SLC7A14: variants seen among roughly 807,000 people sequenced by gnomAD.
SLC7A14 encodes the protein solute carrier family 7 member 14.
SLC7A14 carries 37 observed loss-of-function variants against 60.2 expected under a neutral mutation model. The ratio of observed to expected loss-of-function variants is 0.61; its 90% CI spans 0.47 to 0.81. The LOEUF is 0.81. SLC7A14 is among the 30% of genes least tolerant of loss of function. The probability of loss-of-function intolerance (pLI) is 0.00; values close to 1 mark genes in which losing one functional copy is unlikely to be tolerated. For missense variants in SLC7A14, 886 were observed against 982.7 expected (o/e 0.90, Z 1.32); for synonymous variants, 399 against 395.8 (o/e 1.01, Z -0.10).
At chr3:170,518,351 A>G (rs1713236766) in intron 2 of SLC7A14, among the ~76,000 whole-genome samples, 1 of 152,140 alleles carries the variant, frequency 6.6e-6, no homozygotes, top group African/African-American at 2.4e-5. Flanking sequence ...CATTGTTTCA[A>G]TAGTTTCTCT....
intron 1 of SLC7A14, among the ~76,000 whole-genome samples, chr3:170,567,420 T>G (rs1319047295): frequency 1.3e-5 from 2 of 151,254 alleles, no homozygotes; most frequent in African/African-American, 2.4e-5. Context: ...GTTGGACATT[T>G]GGGTTGGTTC....
In SLC7A14 at chr3:170,532,780, C is replaced by T. The variant is rs558065289; in HGVS notation, c.-152-5692G>A. Among the ~76,000 whole-genome samples the T allele has an allele frequency of 1.3e-5, 2 of 152,116 alleles. No individual in the cohort carries two copies. Among genetic ancestry groups the T allele is most frequent in the African/African-American group, 4.8e-5 (2 of 41,528 alleles). Reference sequence around the variant, plus strand: ...CTTGGCCTGATGCCAAGTCCTTAATCAGGGCTTTTTTCTGTTGAACCTCCC... The same window carrying T: ...CTTGGCCTGATGCCAAGTCCTTAATTAGGGCTTTTTTCTGTTGAACCTCCC... On this transcript the variant is annotated intron_variant, in intron 1 of 7. Coordinates refer to ENST00000231706, the MANE Select transcript of SLC7A14 (RefSeq NM_020949.3). This position sits in a 1 kb window ranked among gnomAD's most constrained non-coding sequence, Gnocchi z 4.0.
intron 1 of SLC7A14, among the ~76,000 whole-genome samples, chr3:170,546,895 C>T (rs910823037): frequency 6.6e-6 from 1 of 152,212 alleles, no homozygotes; most frequent in Non-Finnish European, 1.5e-5. Flanking sequence ...CTTGGTCTGT[C>T]AGGCCAGTCT....
chr3:170,491,108 C>G (rs1334977652), intron 4 of SLC7A14, among the ~76,000 whole-genome samples: 1 of 152,088 alleles, frequency 6.6e-6, no homozygotes, highest in Non-Finnish European at 1.5e-5. Context: ...GAGCAAGTAC[C>G]CAGCTTGATT....
At chr3:170,526,241 A>C (rs1420528133) in intron 2 of SLC7A14, among the ~76,000 whole-genome samples, 1 of 151,706 alleles carries the variant, frequency 6.6e-6, no homozygotes, top group Non-Finnish European at 1.5e-5. Flanking sequence ...GTCTCTACTA[A>C]AAATACAAAA....
In SLC7A14 at chr3:170,532,661, CT is replaced by C. The variant is rs534871066; in HGVS notation, c.-152-5574del. ...AGCTAGCATCACCCTGCTGTGGCCC[CT>C]GACCAGGTGTTTTTTTTTTTTTGTT... On this transcript the variant is annotated intron_variant, in intron 1 of 7. Coordinates refer to ENST00000231706, the MANE Select transcript of SLC7A14 (RefSeq NM_020949.3). The surrounding 1 kb of genome is among the most constrained non-coding windows in gnomAD (Gnocchi z 4.0). 5.6e-4 allele frequency among the ~76,000 whole-genome samples: 85 copies of C among 151,668 alleles called. No individual in the cohort carries two copies. The highest frequency in any genetic ancestry group is 2.0e-3 in the African/African-American group (84 of 41,128).
At chr3:170,468,539 G>A (rs528098713) in intron 7 of SLC7A14, among the ~76,000 whole-genome samples, 112 of 152,224 alleles carry the variant, frequency 7.4e-4, no homozygotes, top group Non-Finnish European at 1.4e-3. Context: ...CAAGTGATCC[G>A]CCTGCTTCCA....
rs546679177 is a variant in SLC7A14 at position 170,501,678 on chromosome 3, C to T, written c.305-333G>A. Among the ~76,000 whole-genome samples the T allele has an allele frequency of 8.5e-5, 13 of 152,258 alleles. No homozygotes were observed. The East Asian group carries it at 2.3e-3, about 27-fold the overall frequency. On this transcript the variant is annotated intron_variant, in intron 2 of 7. Transcript: ENST00000231706. ...GTGTGAACATGGGCCCAATTCATCA[C>T]GACCCCCACCCTAGATGGCACCAGG...
chr3:170,570,872 C>G (rs1038296035), intron 1 of SLC7A14, among the ~76,000 whole-genome samples: 1 of 151,840 alleles, frequency 6.6e-6, no homozygotes, highest in Non-Finnish European at 1.5e-5. Flanking sequence ...TTTAGGAGTA[C>G]AAGTGGTTTT....
chr3:170,479,053 C>CGGA (rs1279759220), intron 7 of SLC7A14, among the ~76,000 whole-genome samples: 3 of 152,002 alleles, frequency 2.0e-5, no homozygotes, highest in Non-Finnish European at 4.4e-5. Flanking sequence ...ACCTGGTTGG[C>CGGA]GGAGGTTGCA....
chr3:170,508,008 C>T (rs1183733479), intron 2 of SLC7A14, among the ~76,000 whole-genome samples: 1 of 152,174 alleles, frequency 6.6e-6, no homozygotes, highest in Non-Finnish European at 1.5e-5. Context: ...AGATCTGAAG[C>T]TGCGTATTCA....
chr3:170,476,920 C>T (rs1439788117), intron 7 of SLC7A14: 2 of 152,198 alleles, frequency 1.3e-5, no homozygotes, highest in African/African-American at 2.4e-5. Flanking sequence ...GCCTCTGGTG[C>T]TTCAGGAGCC....
rs773855175 is a variant in SLC7A14 at position 170,481,073 on chromosome 3, G to A, written c.1209C>T (p.Ser403=). Residue 403 remains serine (S), a synonymous_variant, in exon 7 of 8, where the codon AGC becomes AGT. Coordinates refer to ENST00000231706, the MANE Select transcript of SLC7A14 (RefSeq NM_020949.3). ...ACATCATCTCTATCAGGTCTCTCAA[G>A]CTGACCAACAGTGCGAGGAGCGCTG... ...FLAALLALLV[S]LRDLIEMMSI... is the part of the protein sequence containing the mutation. 6.2e-7 allele frequency: 1 copy of A among 1,614,120 alleles called. No homozygotes were observed. The highest frequency in any genetic ancestry group is 8.5e-7 in the Non-Finnish European group (1 of 1,180,034).
intron 2 of SLC7A14, among the ~76,000 whole-genome samples, chr3:170,511,524 T>G (rs1012836438): frequency 1.3e-5 from 2 of 152,196 alleles, no homozygotes; most frequent in African/African-American, 4.8e-5. Flanking sequence ...ATGCAGGTTG[T>G]TATGAGTCAT....
chr3:170,476,396 G>C (rs980844001), intron 7 of SLC7A14, among the ~76,000 whole-genome samples: 1 of 152,210 alleles, frequency 6.6e-6, no homozygotes, highest in African/African-American at 2.4e-5. Flanking sequence ...CAGAATCACC[G>C]GGTGCTTGTT....
chr3:170,509,333 A>G (rs1264863749), intron 2 of SLC7A14, among the ~76,000 whole-genome samples: 1 of 152,168 alleles, frequency 6.6e-6, no homozygotes, highest in Non-Finnish European at 1.5e-5. Flanking sequence ...GGTGTATGAC[A>G]TCATGTTATT....
chr3:170,520,273 G>A (rs1713302812), intron 2 of SLC7A14, among the ~76,000 whole-genome samples: 1 of 152,148 alleles, frequency 6.6e-6, no homozygotes, highest in Non-Finnish European at 1.5e-5. Flanking sequence ...GTCACATATG[G>A]TTTTTGTGAA....
chr3:170,525,812 G>A (rs79752177), intron 2 of SLC7A14, among the ~76,000 whole-genome samples: 2 of 152,150 alleles, frequency 1.3e-5, no homozygotes, highest in African/African-American at 4.8e-5. Flanking sequence ...CTCAGCACTT[G>A]CCGCGGCCGA....
rs1739634251 is a variant in SLC7A14, at chr3:170,462,811, G to C, written c.*4244C>G. The C allele has an allele frequency of 6.6e-6, 1 of 152,070 alleles. No homozygotes were observed. Among genetic ancestry groups the C allele is most frequent in the Non-Finnish European group, 1.5e-5 (1 of 68,016 alleles). 9.4% of individuals were successfully genotyped at this position (152,070 alleles called of 1,614,324 possible). A position where few individuals can be genotyped will look rare whatever the true frequency, so the allele number is the denominator to read the frequency against. ...TTAGATTAGATAGATATAAAAAGTT[G>C]TTAGGTTTAGTTGTTGAAACCTATT... On this transcript the variant is annotated 3_prime_UTR_variant, in exon 8 of 8. Transcript: ENST00000231706.
Sources: allele counts gnomAD v4.1 joint callset (sites outside exome capture counted in the v4.1 genomes callset), GRCh38; gene constraint gnomAD v4.1.1; non-coding constraint Gnocchi (gnomAD v3.1); transcripts MANE v1.5; gene names NCBI Gene and HGNC (gene_info 2026-07-23, HGNC 2026-07-21).